Variants in PARN observed in about 807,000 individuals in gnomAD.
The protein encoded by PARN is poly(A)-specific ribonuclease PARN.
Under a neutral mutation model 102.8 loss-of-function variants are expected in PARN, and 71 were observed. That is an observed-to-expected ratio of 0.69 (90% CI 0.57 to 0.84). The LOEUF (loss-of-function observed/expected upper bound fraction) is 0.84. PARN is among the 40% of genes least tolerant of loss of function. The probability of loss-of-function intolerance (pLI) is 0.00; values close to 1 mark genes in which losing one functional copy is unlikely to be tolerated. For missense variants in PARN, 782 were observed against 760.9 expected, an observed-to-expected ratio of 1.03 and a Z score of -0.33; for synonymous variants, 261 against 252.9, an observed-to-expected ratio of 1.03 and a Z score of -0.30.
intron 15 of PARN, 70 bp from the exon 16 acceptor site, chr16:14,584,492 A>ACC (rs71373034): frequency 2.2e-4 from 243 of 1,130,168 alleles, no homozygotes; most frequent in South Asian, 3.9e-4. Context: ...AGATTCACTG[A>ACC]CCCCCCCAAA....
intron 21 of PARN, among the ~76,000 whole-genome samples, chr16:14,514,239 C>CA (rs1965345888): frequency 6.6e-6 from 1 of 152,174 alleles, no homozygotes; most frequent in Non-Finnish European, 1.5e-5. Flanking sequence ...GGCTGGAGTG[C>CA]AGAGGCACAA....
chr16:14,577,566 T>C (rs1969221337), intron 18 of PARN, among the ~76,000 whole-genome samples: 1 of 152,098 alleles, frequency 6.6e-6, no homozygotes, highest in Non-Finnish European at 1.5e-5. Flanking sequence ...ACTCCTGGGC[T>C]CAAGCAACCC....
intron 22 of PARN, among the ~76,000 whole-genome samples, chr16:14,458,459 C>T (rs1961791215): frequency 6.6e-6 from 1 of 152,156 alleles, no homozygotes; most frequent in African/African-American, 2.4e-5. Flanking sequence ...CGATTGAACA[C>T]ACTATTTATC....
chr16:14,491,455 A>C (rs943042667), intron 21 of PARN, among the ~76,000 whole-genome samples: 2 of 152,028 alleles, frequency 1.3e-5, no homozygotes, highest in Non-Finnish European at 2.9e-5. Context: ...AATTCAACAT[A>C]TGATCATAGG....
At chr16:14,494,377 G>A (rs1220491273) in intron 21 of PARN, among the ~76,000 whole-genome samples, 1 of 152,212 alleles carries the variant, frequency 6.6e-6, no homozygotes, top group Non-Finnish European at 1.5e-5. Context: ...CTGAGGGTTA[G>A]AAAAGGAGCT....
chr16:14,608,813 C>A (rs1038712080), intron 8 of PARN, among the ~76,000 whole-genome samples: 2 of 152,174 alleles, frequency 1.3e-5, no homozygotes, highest in African/African-American at 4.8e-5. Flanking sequence ...TTGGGCATAA[C>A]TGAAAGTCAA....
intron 16 of PARN, among the ~76,000 whole-genome samples, chr16:14,583,065 T>C (rs1969628795): frequency 6.6e-6 from 1 of 152,200 alleles, no homozygotes; most frequent in South Asian, 2.1e-4. Context: ...TAAATCGAAC[T>C]TGCTATAATG....
At chr16:14,493,849 G>C (rs1332544607) in intron 21 of PARN, among the ~76,000 whole-genome samples, 1 of 152,118 alleles carries the variant, frequency 6.6e-6, no homozygotes, top group East Asian at 1.9e-4. Flanking sequence ...TAGCCAGCCT[G>C]GTGTTTTTCT....
intron 22 of PARN, among the ~76,000 whole-genome samples, chr16:14,465,785 G>A (rs1962308148): frequency 6.6e-6 from 1 of 152,146 alleles, no homozygotes; most frequent in African/African-American, 2.4e-5. Context: ...TGGAGTGGGT[G>A]AGAGCAACAG....
At chr16:14,518,027 T>C (rs1288907634) in intron 21 of PARN, among the ~76,000 whole-genome samples, 1 of 151,900 alleles carries the variant, frequency 6.6e-6, no homozygotes, top group Non-Finnish European at 1.5e-5. Context: ...ATATTCCTAT[T>C]AGAAAAATAA....
At chr16:14,521,811 A>G (rs1351528510) in intron 21 of PARN, among the ~76,000 whole-genome samples, 1 of 152,172 alleles carries the variant, frequency 6.6e-6, no homozygotes, top group African/African-American at 2.4e-5. Flanking sequence ...TCAAAAAAAA[A>G]AAAATACACG....
chr16:14,533,130 G>A (rs1966441753), intron 21 of PARN, among the ~76,000 whole-genome samples: 1 of 152,110 alleles, frequency 6.6e-6, no homozygotes, highest in Non-Finnish European at 1.5e-5. Flanking sequence ...AGCACTGAGT[G>A]AACCAGACTC....
intron 21 of PARN, among the ~76,000 whole-genome samples, chr16:14,498,941 C>T (rs1964451935): frequency 1.3e-5 from 2 of 152,246 alleles, no homozygotes; most frequent in Admixed American, 1.3e-4. Flanking sequence ...ACCCTACACG[C>T]TGAAACCCTG....
At chr16:14,449,921 G>A (rs999801575) in intron 22 of PARN, among the ~76,000 whole-genome samples, 1 of 152,102 alleles carries the variant, frequency 6.6e-6, no homozygotes, top group Non-Finnish European at 1.5e-5. Flanking sequence ...TTCTTATGGA[G>A]GGAATGTGGC....
At chr16:14,592,280 C>G (rs1030835492) in intron 13 of PARN, among the ~76,000 whole-genome samples, 4 of 152,176 alleles carry the variant, frequency 2.6e-5, no homozygotes, top group African/African-American at 4.8e-5. Context: ...AACACTTAGT[C>G]TGGGGGCTAT....
At chr16:14,469,141 T>C (rs867402265) in intron 22 of PARN, among the ~76,000 whole-genome samples, 3 of 151,310 alleles carry the variant, frequency 2.0e-5, no homozygotes, top group Non-Finnish European at 1.5e-5. Context: ...CTACTAAAAA[T>C]ACAAAATTAG....
intron 18 of PARN, among the ~76,000 whole-genome samples, chr16:14,578,936 GTATTAGCAA>G (rs1250783277): frequency 1.3e-5 from 2 of 151,786 alleles, no homozygotes; most frequent in Non-Finnish European, 2.9e-5. Flanking sequence ...GTCCTGCACA[GTATTAGCAA>G]TATTAGATTG....
At chr16:14,480,636 A>G (rs1407387376) in intron 22 of PARN, among the ~76,000 whole-genome samples, 1 of 152,170 alleles carries the variant, frequency 6.6e-6, no homozygotes, top group Non-Finnish European at 1.5e-5. Context: ...TCCATCTAAG[A>G]TGACTAAAGT....
rs749210727 is a variant in PARN at position 14,584,714 on chromosome 16, T to C, written c.1005+35A>G. On this transcript the variant is annotated intron_variant, in intron 15 of 23. Coordinates refer to ENST00000437198, the MANE Select transcript of PARN (RefSeq NM_002582.4). ...CTGGCATTCATTTCACTCAGTAATA[T>C]GCAGTCGCTTTATAAAGTAGCAAAT... 2.4e-5 allele frequency: 35 copies of C among 1,462,322 alleles called. No individual in the cohort carries two copies. In the Middle Eastern group the frequency reaches 5.2e-4, roughly 22 times the overall value. 90.6% of individuals were successfully genotyped at this position (1,462,322 alleles called of 1,614,324 possible). A position where few individuals can be genotyped will look rare whatever the true frequency, so the allele number is the denominator to read the frequency against.
Sources: allele counts gnomAD v4.1 joint callset (sites outside exome capture counted in the v4.1 genomes callset), GRCh38; gene constraint gnomAD v4.1.1; transcripts MANE v1.5; gene names NCBI Gene and HGNC (gene_info 2026-07-23, HGNC 2026-07-21).